The following SLC9B1 variants were observed in gnomAD, a reference collection of about 807,000 sequenced individuals.
SLC9B1 encodes sodium/hydrogen exchanger 9B1.
In SLC9B1, 32 loss-of-function variants were observed where a neutral mutation model predicts 51.7. The ratio of observed to expected loss-of-function variants is 0.62; its 90% CI spans 0.47 to 0.83. The LOEUF (loss-of-function observed/expected upper bound fraction) is 0.83. SLC9B1 is among the 40% of genes least tolerant of loss of function. SLC9B1 has a pLI of 0.00. For missense variants in SLC9B1, 406 were observed against 613.2 expected (o/e 0.66, Z 3.57); for synonymous variants, 145 against 212.7 (o/e 0.68, Z 2.77).
downstream of SLC9B1, chr4:102,898,091 G>A: frequency 2.0e-6 from 1 of 489,370 alleles, no homozygotes; most frequent in Non-Finnish European, 4.0e-6. Flanking sequence ...TGTTGTTGGA[G>A]ATTGGTTATT....
At chr4:103,007,273 T>C (rs1740835757) in intron 1 of SLC9B1, among the ~76,000 whole-genome samples, 1 of 151,828 alleles carries the variant, frequency 6.6e-6, no homozygotes, top group Non-Finnish European at 1.5e-5. Context: ...CTACAGAAAA[T>C]TTTCAGGATA....
chr4:102,985,382 C>T (rs1739558822), intron 3 of SLC9B1, among the ~76,000 whole-genome samples: 2 of 151,940 alleles, frequency 1.3e-5, no homozygotes, highest in Non-Finnish European at 2.9e-5. Flanking sequence ...CTACTTTTGT[C>T]TTCCATTCTT....
At chr4:102,995,699 C>CT (rs2110523698) in intron 1 of SLC9B1, among the ~76,000 whole-genome samples, 1 of 152,210 alleles carries the variant, frequency 6.6e-6, no homozygotes, top group South Asian at 2.1e-4. Flanking sequence ...AAAGCAAGGA[C>CT]TTTGAGTTGA....
At chr4:102,898,315 C>T, downstream of SLC9B1, 1 of 366,214 alleles carries the variant, frequency 2.7e-6, no homozygotes, top group Non-Finnish European at 5.2e-6. Flanking sequence ...ACCTTAAATA[C>T]TATGGAAAAA....
intron 1 of SLC9B1, among the ~76,000 whole-genome samples, chr4:103,005,010 T>C (rs1253512034): frequency 6.6e-6 from 1 of 152,072 alleles, no homozygotes; most frequent in Non-Finnish European, 1.5e-5. Context: ...ATTGACACTA[T>C]AAAGTAGAAA....
chr4:102,975,918 T>C (rs894438339), intron 3 of SLC9B1, among the ~76,000 whole-genome samples: 14 of 151,870 alleles, frequency 9.2e-5, no homozygotes, highest in Non-Finnish European at 7.4e-5. Flanking sequence ...ATCTTGGACA[T>C]TGATGAGACC....
intron 6 of SLC9B1, among the ~76,000 whole-genome samples, chr4:102,935,420 C>T (rs1011577577): frequency 4.6e-5 from 7 of 152,002 alleles, no homozygotes; most frequent in Non-Finnish European, 7.4e-5. Context: ...GTGGCCATAC[C>T]GAAGGGATTT....
intron 9 of SLC9B1, among the ~76,000 whole-genome samples, chr4:102,908,676 A>C (rs1379999645): frequency 1.3e-5 from 2 of 152,262 alleles, no homozygotes; most frequent in South Asian, 4.1e-4. Context: ...TTCAGTGAGA[A>C]AGTCCTTCTT....
chr4:102,972,543 G>T (rs1254493676), intron 3 of SLC9B1, among the ~76,000 whole-genome samples: 1 of 152,140 alleles, frequency 6.6e-6, no homozygotes, highest in African/African-American at 2.4e-5. Flanking sequence ...ACTGTGCCTG[G>T]CCAATCTATG....
downstream of SLC9B1, chr4:102,897,934 G>A (rs1734614527): frequency 2.7e-6 from 1 of 367,716 alleles, no homozygotes; most frequent in Non-Finnish European, 5.3e-6. Context: ...AAGTTACCGT[G>A]CAGCAGCCTG....
chr4:102,926,394 C>G (rs1736175909), intron 7 of SLC9B1, among the ~76,000 whole-genome samples: 2 of 152,286 alleles, frequency 1.3e-5, no homozygotes, highest in African/African-American at 2.4e-5. Context: ...GCAACTTCAG[C>G]AAAGTCTCAG....
At position 102,957,375 on chromosome 4, in the gene SLC9B1, T is replaced by A. The variant is rs567771762; in HGVS notation, c.212-7948A>T. ...ACAAAGAGATTCACACCTAGAGCCA[T>A]CATAGTCAAATTGGTGAAAACCAAG... On this transcript the variant is annotated intron_variant, in intron 3 of 11. Coordinates refer to ENST00000296422, the MANE Select transcript of SLC9B1 (RefSeq NM_139173.4). 1.2e-4 allele frequency among the ~76,000 whole-genome samples: 18 copies of A among 152,286 alleles called. 1 individual carries two copies. Among genetic ancestry groups the A allele is most frequent in the African/African-American group, 4.3e-4 (18 of 41,574 alleles).
In SLC9B1 at chr4:102,911,512, G is replaced by C. The variant is rs773668483; in HGVS notation, c.855C>G (p.Ala285=). Reference sequence around the variant, plus strand: ...GACTAATACATACGTTCCTTATAGAGGCTATGGCGTTATTAAGTATACCAC... The same window carrying C: ...GACTAATACATACGTTCCTTATAGACGCTATGGCGTTATTAAGTATACCAC... The part of the protein sequence containing the change: ...SSGGILNNAI[A]SIRNVCISLL... The change falls in exon 8 of 12, where the codon GCC becomes GCG. Residue 285 remains alanine (A), a synonymous_variant. Coordinates refer to ENST00000296422, the MANE Select transcript of SLC9B1 (RefSeq NM_139173.4). The C allele has an allele frequency of 2.5e-6, 4 of 1,595,996 alleles. No homozygotes were observed. The highest frequency in any genetic ancestry group is 3.4e-6 in the Non-Finnish European group (4 of 1,179,140).
At chr4:102,899,404 T>G (rs1391628610), downstream of SLC9B1, among the ~76,000 whole-genome samples, 1 of 149,514 alleles carries the variant, frequency 6.7e-6, no homozygotes, top group Non-Finnish European at 1.5e-5. Flanking sequence ...TAAATATATA[T>G]ATATATATTT....
chr4:102,940,906 T>A (rs1736962554), intron 6 of SLC9B1, among the ~76,000 whole-genome samples: 1 of 152,104 alleles, frequency 6.6e-6, no homozygotes. Context: ...TGTGCTGGGA[T>A]AACTGGCTAG....
chr4:102,912,411 A>T (rs1735382704), intron 7 of SLC9B1, among the ~76,000 whole-genome samples: 2 of 152,150 alleles, frequency 1.3e-5, no homozygotes, highest in Admixed American at 6.5e-5. Flanking sequence ...AAAAAATACA[A>T]AAGATTCCAG....
chr4:102,909,595 C>A (rs1735237893), intron 9 of SLC9B1, among the ~76,000 whole-genome samples: 1 of 151,060 alleles, frequency 6.6e-6, no homozygotes, highest in African/African-American at 2.4e-5. Context: ...AAGAGTGAAA[C>A]TGTGTCTCAA....
chr4:102,963,557 T>C (rs1738255624), intron 3 of SLC9B1, among the ~76,000 whole-genome samples: 1 of 152,242 alleles, frequency 6.6e-6, no homozygotes, highest in Admixed American at 6.5e-5. Context: ...CCTTTCTTCA[T>C]GCTTCCCCAG....
At chr4:102,966,050 G>C (rs576031965) in intron 3 of SLC9B1, among the ~76,000 whole-genome samples, 1 of 152,358 alleles carries the variant, frequency 6.6e-6, no homozygotes, top group South Asian at 2.1e-4. Flanking sequence ...GTTGGGCATA[G>C]CCACATGGCT....
Sources: allele counts gnomAD v4.1 joint callset (sites outside exome capture counted in the v4.1 genomes callset), GRCh38; gene constraint gnomAD v4.1.1; transcripts MANE v1.5; gene names NCBI Gene and HGNC (gene_info 2026-07-23, HGNC 2026-07-21).